RAC2: variants seen among roughly 807,000 people sequenced by gnomAD.
RAC2 encodes ras-related C3 botulinum toxin substrate 2.
RAC2 carries 1 observed loss-of-function variant against 24.0 expected under a neutral mutation model. That is an observed-to-expected ratio of 0.04 (90% CI 0.01 to 0.20). The LOEUF (loss-of-function observed/expected upper bound fraction) is 0.20. RAC2 is among the 10% of genes least tolerant of loss of function. The pLI is 1.00. For synonymous variants in RAC2, 114 were observed against 106.8 expected (o/e 1.07, Z -0.41); for missense variants, 130 against 259.1 (o/e 0.50, Z 3.42).
chr22:37,231,917 C>A lies in RAC2; in HGVS notation c.288+15G>T. 6.4e-7 allele frequency: 1 copy of A among 1,551,622 alleles called. No homozygotes were observed. Among genetic ancestry groups the A allele is most frequent in the South Asian group, 1.2e-5 (1 of 84,066 alleles). On this transcript the variant is annotated intron_variant, in intron 4 of 6. Coordinates refer to ENST00000249071, the MANE Select transcript of RAC2 (RefSeq NM_002872.5). This position sits in a 1 kb window ranked among gnomAD's most constrained non-coding sequence, Gnocchi z 5.5. ...CCTGCCCCAGAGCCCCCAAGGCCCA[C>A]CCTGTCCAGCTCACCTTGGCGCGGA...
Position 37,231,080 on chromosome 22 carries a change from T to C in RAC2, c.448+151A>G, listed in dbSNP as rs1221886018. ...GAAACACAGGCAGAGAGAGGCTACG[T>C]GACTCGCCCAAGGTCACACAGCAAG... is the stretch of plus-strand genomic sequence containing the variant. On this transcript the variant is annotated intron_variant, in intron 5 of 6. Transcript: ENST00000249071. This position sits in a 1 kb window ranked among gnomAD's most constrained non-coding sequence, Gnocchi z 5.5. The C allele has an allele frequency of 1.1e-6, 1 of 899,026 alleles. No individual in the cohort carries two copies. The highest frequency in any genetic ancestry group is 1.7e-5 in the African/African-American group (1 of 60,508). 55.7% of individuals were successfully genotyped at this position (899,026 alleles called of 1,614,324 possible).
At position 37,231,849 on chromosome 22, in the gene RAC2, C is replaced by A; in HGVS notation, c.288+83G>T. ...TATGCGACCTCTGCTGCCCCAGGGA[C>A]CAGCCTAGAGTCACCAGTTCCTCCC... On this transcript the variant is annotated intron_variant, in intron 4 of 6. Transcript: ENST00000249071. The surrounding 1 kb of genome is among the most constrained non-coding windows in gnomAD (Gnocchi z 5.5). 1 of 1,471,028 alleles carries A rather than the reference C, an allele frequency of 6.8e-7. No homozygotes were observed. The highest frequency in any genetic ancestry group is 9.3e-7 in the Non-Finnish European group (1 of 1,075,976). The allele number at this position is 1,471,028 out of a possible 1,614,324, so 91.1% of individuals were successfully genotyped here.
intron 2 of RAC2, among the ~76,000 whole-genome samples, chr22:37,236,050 G>A (rs891588387): frequency 6.6e-6 from 1 of 152,236 alleles, no homozygotes; most frequent in African/African-American, 2.4e-5. Context: ...CGGGAACACA[G>A]AGTTCCTTGG....
intron 2 of RAC2, among the ~76,000 whole-genome samples, chr22:37,237,035 A>C (rs1413659728): frequency 6.6e-6 from 1 of 152,136 alleles, no homozygotes; most frequent in Non-Finnish European, 1.5e-5. Context: ...CCAAAAATAC[A>C]AAACTTAGCT....
intron 2 of RAC2, among the ~76,000 whole-genome samples, chr22:37,234,120 C>G (rs1481868597): frequency 6.6e-6 from 1 of 151,802 alleles, no homozygotes; most frequent in Non-Finnish European, 1.5e-5. Flanking sequence ...TACTATGCAT[C>G]GGGTGCAGAG....
At chr22:37,242,683 C>T (rs1039183052) in intron 1 of RAC2, among the ~76,000 whole-genome samples, 4 of 152,234 alleles carry the variant, frequency 2.6e-5, no homozygotes, top group South Asian at 4.1e-4. Context: ...GCCCCTCCTC[C>T]GATCAGATAC....
In RAC2 at chr22:37,225,479, G is replaced by A. The variant is rs1926799724; in HGVS notation, c.*563C>T. 1 of 152,202 alleles carries A rather than the reference G, an allele frequency of 6.6e-6. No individual in the cohort carries two copies. Among genetic ancestry groups the A allele is most frequent in the African/African-American group, 2.4e-5 (1 of 41,440 alleles). 9.4% of individuals were successfully genotyped at this position (152,202 alleles called of 1,614,324 possible). The stretch of plus-strand genomic sequence containing the variant: ...CATTGGCTGAGCAGATATCCCCAGA[G>A]GCGTAGAAAATTAAATTTGTTTTAT... On this transcript the variant is annotated 3_prime_UTR_variant, in exon 7 of 7. Coordinates refer to ENST00000249071, the MANE Select transcript of RAC2 (RefSeq NM_002872.5).
chr22:37,235,028 C>A (rs1426092668), intron 2 of RAC2, among the ~76,000 whole-genome samples: 1 of 152,166 alleles, frequency 6.6e-6, no homozygotes, highest in Non-Finnish European at 1.5e-5. Context: ...GTGGGCCAGG[C>A]CGATGCCTGC....
At chr22:37,239,902 G>A (rs991152245) in intron 2 of RAC2, among the ~76,000 whole-genome samples, 5 of 152,180 alleles carry the variant, frequency 3.3e-5, no homozygotes, top group South Asian at 2.1e-4. Context: ...CCTGATAAAC[G>A]TTTGATAGTT....
chr22:37,232,610 C>A (rs2145824720), intron 3 of RAC2, 191 bp downstream of exon 3: 12 of 616,674 alleles, frequency 1.9e-5, no homozygotes, highest in South Asian at 1.8e-4. Context: ...GACCGGGAAC[C>A]AATGCAGGGC....
intron 2 of RAC2, 123 bp downstream of exon 2, chr22:37,241,464 A>T: frequency 1.9e-6 from 2 of 1,061,482 alleles, no homozygotes; most frequent in South Asian, 2.5e-5. Flanking sequence ...AGGCAGCTCC[A>T]CTGGGCTGGA....
At chr22:37,235,182 T>C (rs1266728783) in intron 2 of RAC2, among the ~76,000 whole-genome samples, 3 of 151,662 alleles carry the variant, frequency 2.0e-5, no homozygotes, top group Non-Finnish European at 4.4e-5. Flanking sequence ...AAAAGACACC[T>C]CTCCTGAGAG....
chr22:37,227,495 T>C (rs1348724713), intron 5 of RAC2, among the ~76,000 whole-genome samples: 17 of 12,736 alleles, frequency 1.3e-3, no homozygotes, highest in Admixed American at 4.8e-3. Flanking sequence ...CATACATCCC[T>C]CCCACGCCTC....
At chr22:37,240,215 G>A (rs1430737521) in intron 2 of RAC2, among the ~76,000 whole-genome samples, 1 of 152,184 alleles carries the variant, frequency 6.6e-6, no homozygotes, top group Non-Finnish European at 1.5e-5. Context: ...TCGGCTCCAG[G>A]CTCTCTTCTC....
intron 2 of RAC2, chr22:37,240,868 G>C (rs975514564): frequency 1.3e-5 from 8 of 617,022 alleles, no homozygotes; most frequent in Non-Finnish European, 2.1e-5. Context: ...CCCTGGGGTA[G>C]AAATGTGCAG....
chr22:37,239,407 T>C (rs530578926), intron 2 of RAC2, among the ~76,000 whole-genome samples: 4 of 152,346 alleles, frequency 2.6e-5, no homozygotes, highest in African/African-American at 7.2e-5. Context: ...CCTACTGGGA[T>C]ACCTTCACCC....
chr22:37,234,746 G>A lies in RAC2; in HGVS notation c.108-1828C>T, dbSNP rs991610855. On this transcript the variant is annotated intron_variant, in intron 2 of 6. Coordinates refer to ENST00000249071, the MANE Select transcript of RAC2 (RefSeq NM_002872.5). ...GCTGTCCATATGTTCTCACCAACCT[G>A]GTCTCTGGCCCCCACACCCTCCAGG... is the stretch of plus-strand genomic sequence containing the variant. Among the ~76,000 whole-genome samples, 15 of 152,202 alleles carry A rather than the reference G, an allele frequency of 9.9e-5. No homozygotes were observed. The East Asian group carries it at 2.9e-3, about 29-fold the overall frequency.
At chr22:37,236,712 C>T (rs1339261607) in intron 2 of RAC2, among the ~76,000 whole-genome samples, 1 of 152,110 alleles carries the variant, frequency 6.6e-6, no homozygotes, top group Non-Finnish European at 1.5e-5. Flanking sequence ...GAAGCCCACC[C>T]CCACGGAGGA....
At chr22:37,238,612 G>T (rs928948758) in intron 2 of RAC2, among the ~76,000 whole-genome samples, 4 of 152,100 alleles carry the variant, frequency 2.6e-5, no homozygotes, top group Non-Finnish European at 5.9e-5. Context: ...GTAAGGGGGC[G>T]CCCCTCTATG....
Sources: allele counts gnomAD v4.1 joint callset (sites outside exome capture counted in the v4.1 genomes callset), GRCh38; gene constraint gnomAD v4.1.1; non-coding constraint Gnocchi (gnomAD v3.1); transcripts MANE v1.5; gene names NCBI Gene and HGNC (gene_info 2026-07-23, HGNC 2026-07-21).